NCAM2: variants seen among roughly 807,000 people sequenced by gnomAD.
NCAM2 encodes neural cell adhesion molecule 2.
NCAM2 carries 30 observed loss-of-function variants against 98.1 expected under a neutral mutation model. The ratio of observed to expected loss-of-function variants is 0.31; its 90% CI spans 0.23 to 0.41. The LOEUF (loss-of-function observed/expected upper bound fraction) is 0.41, where lower values mean the gene tolerates loss of function less well. NCAM2 is among the 10% of genes least tolerant of loss of function. The pLI, the probability that NCAM2 is intolerant of heterozygous loss-of-function variation, is 1.00. For synonymous variants in NCAM2, 368 were observed against 342.4 expected (o/e 1.07, Z -0.83); for missense variants, 867 against 1,005.8 (o/e 0.86, Z 1.87).
intron 1 of NCAM2, among the ~76,000 whole-genome samples, chr21:21,015,416 C>T (rs1394731879): frequency 6.6e-6 from 1 of 152,202 alleles, no homozygotes; most frequent in Non-Finnish European, 1.5e-5. Flanking sequence ...TAACCATTTA[C>T]ATGGAGGCAA....
chr21:21,202,617 T>G (rs1305514918), intron 1 of NCAM2, among the ~76,000 whole-genome samples: 1 of 151,936 alleles, frequency 6.6e-6, no homozygotes, highest in Non-Finnish European at 1.5e-5. Flanking sequence ...GGTTTCACCA[T>G]GTTGGTCAGG....
intron 1 of NCAM2, among the ~76,000 whole-genome samples, chr21:21,201,175 A>C (rs989650071): frequency 6.6e-6 from 1 of 152,172 alleles, no homozygotes; most frequent in Non-Finnish European, 1.5e-5. Context: ...ATACACGTGT[A>C]TAATTTATTT....
chr21:21,340,623 AT>A (rs2075000650), intron 8 of NCAM2, among the ~76,000 whole-genome samples: 1 of 151,948 alleles, frequency 6.6e-6, no homozygotes, highest in South Asian at 2.1e-4. Context: ...AATTAAGTCT[AT>A]TGTATTTCTA....
intron 5 of NCAM2, among the ~76,000 whole-genome samples, chr21:21,314,514 A>G (rs2074157616): frequency 6.6e-6 from 1 of 152,098 alleles, no homozygotes; most frequent in South Asian, 2.1e-4. Flanking sequence ...AGAAGTTTTC[A>G]GATGTCAGAT....
chr21:21,289,154 A>T (rs577697085), intron 4 of NCAM2, among the ~76,000 whole-genome samples: 1 of 152,010 alleles, frequency 6.6e-6, no homozygotes, highest in Admixed American at 6.6e-5. Context: ...CTTCTGCATT[A>T]AAAAAACTGA....
chr21:21,256,066 T>C (rs796339420), intron 1 of NCAM2, among the ~76,000 whole-genome samples: 4 of 152,102 alleles, frequency 2.6e-5, no homozygotes, highest in African/African-American at 9.6e-5. Context: ...TAAAAAATAA[T>C]ATTTCTGGCT....
chr21:21,385,741 G>GC, intron 9 of NCAM2: 1 of 994,098 alleles, frequency 1.0e-6, no homozygotes, highest in South Asian at 1.5e-5. Flanking sequence ...ACAGTTTAAT[G>GC]CAGTAAGCAC....
chr21:21,281,231 A>G (rs57016558), intron 2 of NCAM2, among the ~76,000 whole-genome samples: 22,234 of 152,236 alleles, frequency 0.15, 1,961 homozygotes, highest in Non-Finnish European at 0.2. Context: ...TGCTTGCATT[A>G]TATCTGATAA....
chr21:21,254,628 G>A (rs924358613), intron 1 of NCAM2, among the ~76,000 whole-genome samples: 1 of 152,100 alleles, frequency 6.6e-6, no homozygotes, highest in African/African-American at 2.4e-5. Context: ...CATGCTAATG[G>A]CTGAAGTTGG....
chr21:21,474,037 A>G (rs1984831657), intron 14 of NCAM2, among the ~76,000 whole-genome samples: 1 of 152,004 alleles, frequency 6.6e-6, no homozygotes, highest in South Asian at 2.1e-4. Flanking sequence ...TCATTAAGTT[A>G]CCTAGGGGAA....
At chr21:21,482,488 C>A (rs1440113706) in intron 15 of NCAM2, among the ~76,000 whole-genome samples, 3 of 151,826 alleles carry the variant, frequency 2.0e-5, no homozygotes, top group Non-Finnish European at 4.4e-5. Flanking sequence ...TTTTATATTT[C>A]ATGCATTGTA....
chr21:21,073,898 C>T (rs758922333), intron 1 of NCAM2, among the ~76,000 whole-genome samples: 71 of 152,242 alleles, frequency 4.7e-4, no homozygotes, highest in Admixed American at 7.2e-4. Flanking sequence ...TTACAGAAGA[C>T]GAACCTGAGA....
intron 12 of NCAM2, among the ~76,000 whole-genome samples, chr21:21,434,935 C>T (rs1569060578): frequency 6.6e-6 from 1 of 152,084 alleles, no homozygotes; most frequent in Non-Finnish European, 1.5e-5. Flanking sequence ...TGTCACCTGC[C>T]CTCTGTGGGA....
chr21:21,410,500 T>C, intron 10 of NCAM2, 39 bp downstream of exon 10: 1 of 1,174,948 alleles, frequency 8.5e-7, no homozygotes, highest in Non-Finnish European at 1.2e-6. Context: ...TGTATTATTT[T>C]AACAACTATC....
At chr21:21,019,966 AACTG>A (rs1442817153) in intron 1 of NCAM2, among the ~76,000 whole-genome samples, 5 of 152,144 alleles carry the variant, frequency 3.3e-5, no homozygotes, top group African/African-American at 7.2e-5. Flanking sequence ...TCAGTTTATT[AACTG>A]ACTAACTGCA....
At chr21:21,142,467 CT>C (rs1298212170) in intron 1 of NCAM2, among the ~76,000 whole-genome samples, 1 of 150,288 alleles carries the variant, frequency 6.7e-6, no homozygotes, top group African/African-American at 2.4e-5. Flanking sequence ...CAAGCTCCGC[CT>C]TCTGGGTTCA....
intron 12 of NCAM2, among the ~76,000 whole-genome samples, chr21:21,452,548 AATATATACT>A (rs1981302165): frequency 8.2e-6 from 1 of 121,478 alleles, no homozygotes; most frequent in Non-Finnish European, 1.6e-5. Flanking sequence ...ATAAATATAT[AATATATACT>A]ATATATAGTA....
At chr21:21,496,393 A>G (rs1383843502) in intron 15 of NCAM2, among the ~76,000 whole-genome samples, 1 of 151,934 alleles carries the variant, frequency 6.6e-6, no homozygotes, top group Non-Finnish European at 1.5e-5. Context: ...TCATATGTTT[A>G]ATAGCCACTT....
chr21:21,226,595 C>G (rs2070393201), intron 1 of NCAM2: 1 of 152,018 alleles, frequency 6.6e-6, no homozygotes. Context: ...TACTACCAAA[C>G]CTTAAAAGTA....
Sources: allele counts gnomAD v4.1 joint callset (sites outside exome capture counted in the v4.1 genomes callset), GRCh38; gene constraint gnomAD v4.1.1; transcripts MANE v1.5; gene names NCBI Gene and HGNC (gene_info 2026-07-23, HGNC 2026-07-21).